Variants in TAS2R10 observed in about 807,000 individuals in gnomAD.
TAS2R10 encodes taste receptor type 2 member 10.
For missense variants in TAS2R10, 385 were observed against 362.0 expected (o/e 1.06, Z -0.52); for synonymous variants, 144 against 126.6 (o/e 1.14, Z -0.92).
Position 10,825,385 on chromosome 12 carries a change from C to T in TAS2R10, c.885G>A (p.Leu295=), listed in dbSNP as rs146436959. 33 of 1,612,174 alleles carry T rather than the reference C, an allele frequency of 2.0e-5. No individual in the cohort carries two copies. In the African/African-American group the frequency reaches 3.6e-4, roughly 18 times the overall value. Residue 295 remains leucine, a synonymous_variant, in exon 1 of 1, where the codon TTG becomes TTA. Transcript: ENST00000240619. ...GATTTTTCCTTTTCTCACAGCACTT[C>T]AATTGCTGCAGTACCCTCAAAGAGG...
downstream of TAS2R10, chr12:10,825,262 C>A: frequency 9.6e-7 from 1 of 1,046,036 alleles, no homozygotes; most frequent in Non-Finnish European, 1.4e-6. Flanking sequence ...AAAGACAATG[C>A]AAGAATGCAG....
exon 1 of TAS2R10, chr12:10,825,368 C>G: frequency 6.2e-7 from 1 of 1,607,996 alleles, no homozygotes. Context: ...GAGATTTTTC[C>G]TTTTCTCACA....
chr12:10,826,007 C>A (rs1948863628), exon 1 of TAS2R10: 1 of 1,613,294 alleles, frequency 6.2e-7, no homozygotes, highest in Non-Finnish European at 8.5e-7. Context: ...ACCAATTACC[C>A]AAAAGTAACT....
At position 10,825,894 on chromosome 12, in the gene TAS2R10, T is replaced by A. The variant is rs771399977; in HGVS notation, c.376A>T (p.Asn126Tyr). The change falls in exon 1 of 1, where the codon AAT becomes TAT. Residue 126 changes from asparagine to tyrosine, a missense_variant. By Grantham distance (143) the Asn-to-Tyr change is moderately radical. Coordinates refer to ENST00000240619, the Ensembl canonical transcript of TAS2R10. ...ACTATCATGAAGGGAAGAACCATAT[T>A]TGTTCTGCTCTTCAACCAGAGAAAT... 3 of 1,613,510 alleles carry A rather than the reference T, an allele frequency of 1.9e-6. No homozygotes were observed. The South Asian group carries it at 3.3e-5, about 18-fold the overall frequency.
exon 1 of TAS2R10, chr12:10,826,040 G>A: frequency 6.2e-7 from 1 of 1,613,226 alleles, no homozygotes; most frequent in Non-Finnish European, 8.5e-7. Flanking sequence ...TAGGTTACCG[G>A]AGGCATATAT....
downstream of TAS2R10, chr12:10,825,270 C>A: frequency 9.2e-7 from 1 of 1,082,804 alleles, no homozygotes; most frequent in South Asian, 1.6e-5. Context: ...TGCAAGAATG[C>A]AGTGCAATGA....
chr12:10,826,132 A>C, exon 1 of TAS2R10: 1 of 1,613,536 alleles, frequency 6.2e-7, no homozygotes, highest in Non-Finnish European at 8.5e-7. Flanking sequence ...AGCCGGTGAG[A>C]ATAAAGCCAA....
exon 1 of TAS2R10, chr12:10,826,329 G>T: frequency 7.8e-7 from 1 of 1,275,128 alleles, no homozygotes. Context: ...GCTGCAGAAT[G>T]AGGCATATAT....
chr12:10,825,563 A>C, exon 1 of TAS2R10: 1 of 1,613,726 alleles, frequency 6.2e-7, no homozygotes, highest in Non-Finnish European at 8.5e-7. Flanking sequence ...ATACAAGATA[A>C]AGAGGATGAT....
chr12:10,825,857 A>G (rs1234143001), exon 1 of TAS2R10: 2 of 1,612,790 alleles, frequency 1.2e-6, no homozygotes, highest in Non-Finnish European at 8.5e-7. Flanking sequence ...TAACGATGAA[A>G]TAAGTAAGAA....
exon 1 of TAS2R10, chr12:10,825,344 G>T (rs769190645): frequency 6.2e-7 from 1 of 1,601,718 alleles, no homozygotes; most frequent in South Asian, 1.1e-5. Flanking sequence ...TTCCCAAGGT[G>T]TCTATGTGAC....
exon 1 of TAS2R10, chr12:10,825,703 G>T (rs2135725059): frequency 6.2e-7 from 1 of 1,613,358 alleles, no homozygotes; most frequent in South Asian, 1.1e-5. Flanking sequence ...ATGTAATTAG[G>T]GATAGTGTAA....
chr12:10,825,391 C>T lies in TAS2R10; in HGVS notation c.879G>A (p.Gln293=), dbSNP rs1416917991. The T allele has an allele frequency of 2.5e-6, 4 of 1,613,180 alleles. No homozygotes were observed. The African/African-American group carries it at 4.0e-5, about 16-fold the overall frequency. ...TCCTTTTCTCACAGCACTTCAATTG[C>T]TGCAGTACCCTCAAAGAGGCTTGCT... The change falls in exon 1 of 1, where the codon CAG becomes CAA. Residue 293 remains glutamine, a synonymous_variant. Coordinates refer to ENST00000240619, the Ensembl canonical transcript of TAS2R10.
exon 1 of TAS2R10, chr12:10,825,824 T>C (rs1948861781): frequency 1.9e-6 from 3 of 1,612,724 alleles, no homozygotes; most frequent in Admixed American, 1.7e-5. Context: ...ATTAAGAATC[T>C]TCGCAATGTA....
chr12:10,825,704 G>A (rs747951830), exon 1 of TAS2R10: 1 of 1,613,392 alleles, frequency 6.2e-7, no homozygotes, highest in Non-Finnish European at 8.5e-7. Context: ...TGTAATTAGG[G>A]ATAGTGTAAA....
exon 1 of TAS2R10, chr12:10,826,092 T>A: frequency 6.2e-7 from 1 of 1,613,374 alleles, no homozygotes; most frequent in Non-Finnish European, 8.5e-7. Flanking sequence ...GTAATTATTA[T>A]CCATATCAGA....
At chr12:10,825,855 A>T (rs1948862075) in exon 1 of TAS2R10, 1 of 1,612,684 alleles carries the variant, frequency 6.2e-7, no homozygotes, top group African/African-American at 1.3e-5. Flanking sequence ...AGTAACGATG[A>T]AATAAGTAAG....
exon 1 of TAS2R10, chr12:10,825,535 T>C: frequency 6.2e-7 from 1 of 1,613,770 alleles, no homozygotes; most frequent in Non-Finnish European, 8.5e-7. Flanking sequence ...ATGATATTTC[T>C]ATGGCCATGC....
chr12:10,826,036 A>T, exon 1 of TAS2R10: 2 of 1,613,428 alleles, frequency 1.2e-6, no homozygotes, highest in Non-Finnish European at 1.7e-6. Flanking sequence ...CAATTAGGTT[A>T]CCGGAGGCAT....
Sources: allele counts gnomAD v4.1 joint callset, GRCh38; gene constraint gnomAD v4.1.1; transcripts MANE v1.5; gene names NCBI Gene and HGNC (gene_info 2026-07-23, HGNC 2026-07-21).